Variants in DDRGK1 observed in about 807,000 individuals in gnomAD.
The protein encoded by DDRGK1 is DDRGK domain containing 1, also known as DDRGK domain-containing protein 1.
A neutral mutation model predicts 45.8 loss-of-function variants in DDRGK1; 38 were observed. That is an observed-to-expected ratio of 0.83 (90% CI 0.64 to 1.09). The LOEUF (loss-of-function observed/expected upper bound fraction) is 1.09. Among genes scored for constraint, DDRGK1 ranks in the 50% least tolerant of loss-of-function variants. The pLI is 0.00. For synonymous variants in DDRGK1, 171 were observed against 168.7 expected, an observed-to-expected ratio of 1.01 and a Z score of -0.11; for missense variants, 403 against 419.9, an observed-to-expected ratio of 0.96 and a Z score of 0.35.
rs147853986 is a variant in DDRGK1, at chr20:3,203,334, C to A, written c.174G>T (p.Pro58=). 3.1e-6 allele frequency: 5 copies of A among 1,609,188 alleles called. No homozygotes were observed. Among genetic ancestry groups the A allele is most frequent in the Non-Finnish European group, 4.2e-6 (5 of 1,177,570 alleles). ...GGCGCCGAGGCCTGCCTCCAGCTCT[C>A]GGCTCCTCAGGCTCCAGGGGCCCAG... ...AQPGPLEPEE[P]RAGGRPRRRR... is the part of the protein sequence containing the mutation. The change falls in exon 2 of 9, where the codon CCG becomes CCT. Residue 58 remains proline, a synonymous_variant. Coordinates refer to ENST00000354488, the MANE Select transcript of DDRGK1 (RefSeq NM_023935.3).
At chr20:3,191,890 C>T (rs1019840505) in intron 6 of DDRGK1, 69 bp from the exon 7 acceptor site, 8 of 1,501,566 alleles carry the variant, frequency 5.3e-6, no homozygotes, top group Non-Finnish European at 7.2e-6. Flanking sequence ...TGGGCACCCT[C>T]CAGGTTTGCA....
chr20:3,199,332 G>C (rs557118729), intron 4 of DDRGK1, among the ~76,000 whole-genome samples: 7 of 152,256 alleles, frequency 4.6e-5, no homozygotes, highest in Non-Finnish European at 8.8e-5. Flanking sequence ...TATTCAGAAA[G>C]GAAAAAACCC....
At chr20:3,200,193 C>A in intron 3 of DDRGK1, 91 bp from the exon 4 acceptor site, 1 of 1,511,868 alleles carries the variant, frequency 6.6e-7, no homozygotes, top group Non-Finnish European at 8.9e-7. Context: ...ATGCCTGGGC[C>A]AGGGCACAGA....
intron 4 of DDRGK1, among the ~76,000 whole-genome samples, chr20:3,196,115 C>T (rs939440026): frequency 6.6e-6 from 1 of 152,182 alleles, no homozygotes; most frequent in African/African-American, 2.4e-5. Flanking sequence ...CCCAAACACA[C>T]AACGGTCCAT....
At chr20:3,195,159 G>A in intron 5 of DDRGK1, 72 bp downstream of exon 5, 1 of 1,608,294 alleles carries the variant, frequency 6.2e-7, no homozygotes, top group Non-Finnish European at 8.5e-7. Flanking sequence ...GGGATGGGGT[G>A]GCTAGCCTTG....
At position 3,195,119 on chromosome 20, in the gene DDRGK1, C is replaced by T. The variant is rs115228433; in HGVS notation, c.633+112G>A. On this transcript the variant is annotated intron_variant, in intron 5 of 8. Coordinates refer to ENST00000354488, the MANE Select transcript of DDRGK1 (RefSeq NM_023935.3). ...AAAGCCTGCTGGTACTGATGCCCAC[C>T]CACCTCTCACTGCCTGGCCAGGGGC... 3.4e-4 allele frequency: 530 copies of T among 1,559,512 alleles called. 2 individuals carry two copies. In the African/African-American group the frequency reaches 6.4e-3, roughly 19 times the overall value.
At chr20:3,203,785 G>C (rs1437394303) in intron 1 of DDRGK1, among the ~76,000 whole-genome samples, 1 of 152,218 alleles carries the variant, frequency 6.6e-6, no homozygotes, top group Non-Finnish European at 1.5e-5. Flanking sequence ...CAGCCAGAGA[G>C]TACACTTCCC....
intron 6 of DDRGK1, among the ~76,000 whole-genome samples, chr20:3,192,671 G>A (rs1469128419): frequency 2.6e-5 from 4 of 152,158 alleles, no homozygotes; most frequent in African/African-American, 9.7e-5. Context: ...GAGTTCCCAA[G>A]GGCGCAGCGA....
rs754167534 is a variant in DDRGK1 at position 3,203,309 on chromosome 20, G to A, written c.199C>T (p.Arg67Trp). 34 of 1,608,132 alleles carry A rather than the reference G, an allele frequency of 2.1e-5. No individual in the cohort carries two copies. The highest frequency in any genetic ancestry group is 2.8e-5 in the Non-Finnish European group (33 of 1,177,054). Residue 67 changes from arginine (R) to tryptophan (W), a missense_variant, in exon 2 of 9, where the codon CGG becomes TGG. By Grantham distance (101) the Arg-to-Trp change is moderately radical. Transcript: ENST00000354488. ...TGTAGGCGGCTGCCCAGGTCCCTCCGGCGCCGAGGCCTGCCTCCAGCTCTC... is the reference window on the plus strand; with the variant it reads ...TGTAGGCGGCTGCCCAGGTCCCTCCAGCGCCGAGGCCTGCCTCCAGCTCTC... ...EPRAGGRPRR[R>W]RDLGSRLQAQ...
chr20:3,192,125 C>CAT (rs11472024), intron 6 of DDRGK1, among the ~76,000 whole-genome samples: 100,589 of 151,388 alleles, frequency 0.66, 33,796 homozygotes, highest in Middle Eastern at 0.75. Context: ...CCGAGACACA[C>CAT]GAGTGGTAAT....
intron 4 of DDRGK1, among the ~76,000 whole-genome samples, chr20:3,198,418 A>T (rs1369274749): frequency 1.3e-5 from 2 of 149,796 alleles, no homozygotes; most frequent in Admixed American, 6.7e-5. Flanking sequence ...AAAAAAAAAA[A>T]AGCCTGGTGC....
At position 3,192,593 on chromosome 20, in the gene DDRGK1, G is replaced by A. The variant is rs775579897; in HGVS notation, c.673-772C>T. Among the ~76,000 whole-genome samples the A allele has an allele frequency of 6.6e-5, 10 of 152,066 alleles. No individual in the cohort carries two copies. In the East Asian group the frequency reaches 7.7e-4, roughly 12 times the overall value. On this transcript the variant is annotated intron_variant, in intron 6 of 8. Coordinates refer to ENST00000354488, the MANE Select transcript of DDRGK1 (RefSeq NM_023935.3). ...CCTTGAAATCACTGTCACTAATACCGCTGAGTGCTTTCCAGCACAGCCACG... is the reference window on the plus strand; with the variant it reads ...CCTTGAAATCACTGTCACTAATACCACTGAGTGCTTTCCAGCACAGCCACG...
At position 3,200,927 on chromosome 20, in the gene DDRGK1, G is replaced by A. The variant is rs549435207; in HGVS notation, c.296-473C>T. Among the ~76,000 whole-genome samples the A allele has an allele frequency of 1.9e-4, 29 of 152,292 alleles. 1 individual carries two copies. The highest frequency in any genetic ancestry group is 6.5e-4 in the African/African-American group (27 of 41,566). ...AGATCGAGATCATCCTGGCTAACAT[G>A]GTGAAACCTCATCTCTACTAAAAAT... is the stretch of plus-strand genomic sequence containing the variant. On this transcript the variant is annotated intron_variant, in intron 2 of 8. Transcript: ENST00000354488.
intron 4 of DDRGK1, among the ~76,000 whole-genome samples, chr20:3,195,685 T>C (rs977703616): frequency 3.3e-5 from 5 of 151,972 alleles, no homozygotes; most frequent in African/African-American, 1.2e-4. Flanking sequence ...CCTCTCCTTG[T>C]GTAACTCACC....
At chr20:3,204,454 G>A (rs1690772857) in intron 1 of DDRGK1, 83 bp downstream of exon 1, 3 of 1,412,178 alleles carry the variant, frequency 2.1e-6, no homozygotes, top group South Asian at 2.5e-5. Context: ...CGCACGCGCA[G>A]GAGCCGCGGC....
chr20:3,200,128 C>A (rs1420491067), intron 3 of DDRGK1, 26 bp from the exon 4 acceptor site: 1 of 1,607,636 alleles, frequency 6.2e-7, no homozygotes, highest in Admixed American at 1.7e-5. Flanking sequence ...CATAGGGGCA[C>A]ATCCCTCACC....
At chr20:3,191,164 G>A (rs1568498397) in intron 8 of DDRGK1, 26 bp downstream of exon 8, 1 of 1,614,006 alleles carries the variant, frequency 6.2e-7, no homozygotes, top group Non-Finnish European at 8.5e-7. Flanking sequence ...GGCCAGGACT[G>A]CAGTGATTGG....
intron 3 of DDRGK1, 73 bp from the exon 4 acceptor site, chr20:3,200,175 G>C: frequency 1.9e-6 from 3 of 1,548,270 alleles, no homozygotes; most frequent in Non-Finnish European, 2.6e-6. Context: ...GACAGACTAG[G>C]GAAGGCAATG....
chr20:3,191,456 G>C, intron 7 of DDRGK1: 1 of 657,852 alleles, frequency 1.5e-6, no homozygotes, highest in Non-Finnish European at 2.7e-6. Context: ...TGTTAGAAGC[G>C]GGGCAGTGAT....
Sources: gnomAD v4.1 joint callset for allele counts (sites outside exome capture counted in the v4.1 genomes callset) on GRCh38, gnomAD v4.1.1 for gene constraint, MANE v1.5 for transcripts, NCBI Gene and HGNC (gene_info 2026-07-23, HGNC 2026-07-21) for gene names.